The following CCDC73 variants were observed in gnomAD, a reference collection of about 807,000 sequenced individuals.
The protein encoded by CCDC73 is coiled-coil domain-containing protein 73.
Under a neutral mutation model 116.5 loss-of-function variants are expected in CCDC73, and 95 were observed. The observed-to-expected ratio is 0.82, with a 90% confidence interval of 0.69 to 0.97. CCDC73 has a LOEUF of 0.97. Among genes scored for constraint, CCDC73 ranks in the 50% least tolerant of loss-of-function variants. The probability of loss-of-function intolerance (pLI) is 0.00; values close to 1 mark genes in which losing one functional copy is unlikely to be tolerated. For missense variants in CCDC73, 1,066 were observed against 1,206.8 expected (o/e 0.88, Z 1.73); for synonymous variants, 398 against 401.3 (o/e 0.99, Z 0.10).
the CCDC73 span, among the ~76,000 whole-genome samples, chr11:32,826,304 G>A: frequency 2.6e-5 from 4 of 152,154 alleles, no homozygotes; most frequent in East Asian, 1.9e-4. Context: ...AAAATGTCAC[G>A]GCAACAGCAA....
At chr11:32,732,835 C>G (rs1322163013) in intron 2 of CCDC73, among the ~76,000 whole-genome samples, 1 of 152,142 alleles carries the variant, frequency 6.6e-6, no homozygotes, top group African/African-American at 2.4e-5. Context: ...TAAAGACCCT[C>G]GATGCTAGGA....
intron 6 of CCDC73, among the ~76,000 whole-genome samples, chr11:32,686,562 T>A (rs1007107645): frequency 6.6e-6 from 1 of 152,028 alleles, no homozygotes; most frequent in Non-Finnish European, 1.5e-5. Context: ...AAAGACAAAA[T>A]TCAGAAGACA....
At chr11:32,795,936 C>T (rs1447176863), upstream of CCDC73, among the ~76,000 whole-genome samples, 2 of 151,966 alleles carry the variant, frequency 1.3e-5, no homozygotes, top group South Asian at 2.1e-4. Context: ...GTGATCTGCC[C>T]GCCTTGGCCT....
intron 3 of CCDC73, among the ~76,000 whole-genome samples, chr11:32,716,724 G>C (rs915234862): frequency 5.3e-5 from 8 of 152,032 alleles, no homozygotes; most frequent in African/African-American, 1.9e-4. Context: ...ACCACGTCCT[G>C]CTAATATATG....
chr11:32,636,031 T>C (rs796168573), intron 13 of CCDC73, among the ~76,000 whole-genome samples: 8 of 152,216 alleles, frequency 5.3e-5, no homozygotes, highest in African/African-American at 1.7e-4. Context: ...AGCAAAACCC[T>C]ATGAGGTATT....
chr11:32,655,946 G>A (rs1485501120), intron 9 of CCDC73, among the ~76,000 whole-genome samples: 1 of 152,058 alleles, frequency 6.6e-6, no homozygotes, highest in Non-Finnish European at 1.5e-5. Flanking sequence ...GTTCTTCTGT[G>A]TATATTGACT....
intron 2 of CCDC73, among the ~76,000 whole-genome samples, chr11:32,740,588 T>C (rs1850174549): frequency 6.6e-6 from 1 of 152,054 alleles, no homozygotes; most frequent in Non-Finnish European, 1.5e-5. Flanking sequence ...TCTTGTTTTC[T>C]TAGTCTGGAT....
intron 6 of CCDC73, among the ~76,000 whole-genome samples, chr11:32,685,716 A>T (rs1443486127): frequency 3.9e-5 from 5 of 127,720 alleles, no homozygotes; most frequent in African/African-American, 1.5e-4. Flanking sequence ...AGCCTGACTT[A>T]GCTTTTTTTT....
At chr11:32,625,311 A>T (rs1000617168) in intron 14 of CCDC73, among the ~76,000 whole-genome samples, 1 of 152,128 alleles carries the variant, frequency 6.6e-6, no homozygotes, top group Admixed American at 6.6e-5. Flanking sequence ...TGTGAAGTTG[A>T]TCCTGTCATT....
intron 4 of CCDC73, 56 bp downstream of exon 4, chr11:32,702,817 G>T (rs1263671084): frequency 4.3e-6 from 5 of 1,152,602 alleles, no homozygotes; most frequent in Non-Finnish European, 6.6e-6. Context: ...ATTCATAGGA[G>T]GGGGAGGAAA....
At chr11:32,765,883 G>T (rs1850436479) in intron 1 of CCDC73, among the ~76,000 whole-genome samples, 1 of 152,180 alleles carries the variant, frequency 6.6e-6, no homozygotes, top group Non-Finnish European at 1.5e-5. Flanking sequence ...GAGGTACAAG[G>T]AGGAGCTGGT....
chr11:32,667,610 C>T (rs1260693409), intron 9 of CCDC73, among the ~76,000 whole-genome samples: 3 of 152,186 alleles, frequency 2.0e-5, no homozygotes, highest in African/African-American at 7.2e-5. Context: ...TTGCACTTCC[C>T]TGGTGAGGCG....
At position 32,755,953 on chromosome 11, in the gene CCDC73, CTATATATA is replaced by C. The variant is rs373567593; in HGVS notation, c.135+4148_135+4155del. 1.1e-4 allele frequency among the ~76,000 whole-genome samples: 3 copies of C among 28,114 alleles called. 1 individual carries two copies. Among genetic ancestry groups the C allele is most frequent in the African/African-American group, 5.2e-4 (3 of 5,748 alleles). 18.4% of individuals were successfully genotyped at this position (28,114 alleles called of 152,430 possible). A position where few individuals can be genotyped will look rare whatever the true frequency, so the allele number is the denominator to read the frequency against. On this transcript the variant is annotated intron_variant, in intron 2 of 17. Coordinates refer to ENST00000335185, the MANE Select transcript of CCDC73 (RefSeq NM_001008391.4). Reference sequence around the variant, plus strand: ...TATATATATATCTCCATATATATATCTATATATATATCTCCATATATATATCTATATAT... The same window carrying C: ...TATATATATATCTCCATATATATATCTATCTCCATATATATATCTATATAT...
intron 2 of CCDC73, among the ~76,000 whole-genome samples, chr11:32,754,718 C>A (rs1291617376): frequency 1.3e-5 from 2 of 151,860 alleles, no homozygotes; most frequent in Non-Finnish European, 2.9e-5. Flanking sequence ...TGACAGAACA[C>A]AAATGTAATC....
intron 1 of CCDC73, among the ~76,000 whole-genome samples, chr11:32,761,703 TG>T (rs955979836): frequency 2.0e-5 from 3 of 152,072 alleles, no homozygotes; most frequent in African/African-American, 4.8e-5. Flanking sequence ...TGTGTATATA[TG>T]GGGGGGTGTA....
chr11:32,815,895 T>C, the CCDC73 span, among the ~76,000 whole-genome samples: 1 of 152,210 alleles, frequency 6.6e-6, no homozygotes, highest in African/African-American at 2.4e-5. Context: ...ATACACGCTA[T>C]CCTTTCTGCA....
chr11:32,772,572 T>C (rs1850500557), intron 1 of CCDC73, among the ~76,000 whole-genome samples: 1 of 152,198 alleles, frequency 6.6e-6, no homozygotes, highest in South Asian at 2.1e-4. Flanking sequence ...TACTTGTCCT[T>C]GTTTAAGGAG....
chr11:32,663,322 TG>T (rs1855948663), intron 9 of CCDC73, among the ~76,000 whole-genome samples: 1 of 152,216 alleles, frequency 6.6e-6, no homozygotes, highest in South Asian at 2.1e-4. Context: ...GAGCATGGAA[TG>T]TTGTTCCATT....
chr11:32,648,988 C>T (rs956537654), intron 12 of CCDC73, among the ~76,000 whole-genome samples: 1 of 152,174 alleles, frequency 6.6e-6, no homozygotes, highest in Admixed American at 6.5e-5. Context: ...TTTGTTAGAT[C>T]AGCTACACTA....
Sources: allele counts gnomAD v4.1 joint callset (sites outside exome capture counted in the v4.1 genomes callset), GRCh38; gene constraint gnomAD v4.1.1; transcripts MANE v1.5; gene names NCBI Gene and HGNC (gene_info 2026-07-23, HGNC 2026-07-21).